ANKS1B: variants seen among roughly 807,000 people sequenced by gnomAD.
ANKS1B encodes the protein ankyrin repeat and sterile alpha motif domain-containing protein 1B.
In ANKS1B, 36 loss-of-function variants were observed where a neutral mutation model predicts 148.3. That is an observed-to-expected ratio of 0.24 (90% CI 0.19 to 0.32). The LOEUF is 0.32. Ranked by LOEUF, ANKS1B falls within the 10% of genes least tolerant of loss-of-function variation. The probability of loss-of-function intolerance (pLI) is 1.00; values close to 1 mark genes in which losing one functional copy is unlikely to be tolerated. For missense variants in ANKS1B, 1,157 were observed against 1,542.6 expected (o/e 0.75, Z 4.19); for synonymous variants, 542 against 560.8 (o/e 0.97, Z 0.47).
rs542451921 is a variant in ANKS1B, at chr12:99,686,669, A to C, written c.1129-31459T>G. On this transcript the variant is annotated intron_variant, in intron 8 of 26. Coordinates refer to ENST00000683438, the MANE Select transcript of ANKS1B (RefSeq NM_001352186.2). ...TATAGACATGTAAGGGTTCATTTAC[A>C]TTATTTAAAAATTACTCTAAAAAGC... Among the ~76,000 whole-genome samples, 4 of 152,324 alleles carry C rather than the reference A, an allele frequency of 2.6e-5. 1 individual carries two copies. The highest frequency in any genetic ancestry group is 9.6e-5 in the African/African-American group (4 of 41,588).
intron 8 of ANKS1B, among the ~76,000 whole-genome samples, chr12:99,679,010 CTT>C (rs1440983440): frequency 2.6e-5 from 4 of 152,068 alleles, no homozygotes; most frequent in Non-Finnish European, 5.9e-5. Flanking sequence ...AGAAAGAACT[CTT>C]GAATTTTAAA....
chr12:98,805,407 C>T (rs1365280182), intron 20 of ANKS1B, among the ~76,000 whole-genome samples: 1 of 151,672 alleles, frequency 6.6e-6, no homozygotes, highest in East Asian at 1.9e-4. Flanking sequence ...AAACTTCTAA[C>T]ATAAAGGAAA....
chr12:99,308,050 G>A (rs950472379), intron 12 of ANKS1B, among the ~76,000 whole-genome samples: 4 of 151,998 alleles, frequency 2.6e-5, no homozygotes, highest in African/African-American at 9.7e-5. Flanking sequence ...TTAAACAAAC[G>A]ATTATAGCAA....
intron 13 of ANKS1B, among the ~76,000 whole-genome samples, chr12:99,245,115 A>G (rs1026665084): frequency 6.6e-6 from 1 of 152,180 alleles, no homozygotes; most frequent in African/African-American, 2.4e-5. Flanking sequence ...TCGGCGTCCC[A>G]AAGTGCTAGG....
intron 12 of ANKS1B, among the ~76,000 whole-genome samples, chr12:99,302,600 G>A (rs2081801717): frequency 6.6e-6 from 1 of 152,110 alleles, no homozygotes. Context: ...TTAGGCACAT[G>A]AATTATTATA....
intron 8 of ANKS1B, among the ~76,000 whole-genome samples, chr12:99,750,811 C>T (rs1175564876): frequency 6.6e-6 from 1 of 152,020 alleles, no homozygotes; most frequent in Middle Eastern, 3.2e-3. Flanking sequence ...TCTGAACTCC[C>T]CCTTTGAGGA....
chr12:98,975,524 C>T (rs766061267), intron 17 of ANKS1B, among the ~76,000 whole-genome samples: 2 of 152,118 alleles, frequency 1.3e-5, no homozygotes, highest in Non-Finnish European at 2.9e-5. Context: ...AATAAAGTCT[C>T]TACCCTCAGG....
intron 1 of ANKS1B, among the ~76,000 whole-genome samples, chr12:99,916,313 C>T (rs961417551): frequency 2.6e-5 from 4 of 152,118 alleles, no homozygotes; most frequent in African/African-American, 9.7e-5. Flanking sequence ...GTGGAATACC[C>T]AAACCTTTCA....
chr12:99,649,199 T>A, intron 9 of ANKS1B: 1 of 995,788 alleles, frequency 1.0e-6, no homozygotes, highest in African/African-American at 1.6e-5. Flanking sequence ...TGTGTACTTG[T>A]GCAATAATTT....
chr12:99,074,711 C>T (rs2047299523), intron 16 of ANKS1B, among the ~76,000 whole-genome samples: 1 of 152,178 alleles, frequency 6.6e-6, no homozygotes, highest in African/African-American at 2.4e-5. Context: ...TGCCTTATCC[C>T]TTTGTAAAAC....
chr12:98,947,109 G>A (rs1156892219), intron 17 of ANKS1B, among the ~76,000 whole-genome samples: 3 of 152,292 alleles, frequency 2.0e-5, no homozygotes, highest in South Asian at 2.1e-4. Context: ...AGTGGTGGGA[G>A]TGAAGTGAGG....
Position 99,911,597 on chromosome 12 carries a change from C to T in ANKS1B, c.134+72507G>A, listed in dbSNP as rs77247616. Among the ~76,000 whole-genome samples the T allele has an allele frequency of 7.5e-4, 114 of 152,228 alleles. 3 individuals are homozygous for T. In the East Asian group the frequency reaches 0.016, roughly 22 times the overall value. On this transcript the variant is annotated intron_variant, in intron 1 of 26. Coordinates refer to ENST00000683438, the MANE Select transcript of ANKS1B (RefSeq NM_001352186.2). ...ATAATTAACATTTACTTATAAAGTT[C>T]GATATCACCCATTAGCAATATAACA...
intron 12 of ANKS1B, among the ~76,000 whole-genome samples, chr12:99,345,909 GC>G (rs1196296001): frequency 2.0e-5 from 3 of 151,926 alleles, no homozygotes; most frequent in African/African-American, 7.2e-5. Flanking sequence ...ATTAGTTCAT[GC>G]TTGCTTTTAA....
intron 9 of ANKS1B, among the ~76,000 whole-genome samples, chr12:99,521,688 C>A (rs2096876319): frequency 6.6e-6 from 1 of 152,158 alleles, no homozygotes; most frequent in Non-Finnish European, 1.5e-5. Flanking sequence ...TCTTTCCTTA[C>A]TTTCTCCTAA....
At chr12:99,438,971 T>TA (rs1405526533) in intron 11 of ANKS1B, among the ~76,000 whole-genome samples, 1 of 151,876 alleles carries the variant, frequency 6.6e-6, no homozygotes, top group African/African-American at 2.4e-5. Context: ...AGTTATTTTT[T>TA]AAAAAAGCAA....
chr12:98,773,277 T>C, intron 24 of ANKS1B, 98 bp from the exon 25 acceptor site: 1 of 1,403,216 alleles, frequency 7.1e-7, no homozygotes, highest in African/African-American at 1.4e-5. Flanking sequence ...TTTCCTTCTT[T>C]CTGGAGTGTT....
chr12:99,782,809 G>C (rs556084237), intron 4 of ANKS1B, among the ~76,000 whole-genome samples: 3 of 152,268 alleles, frequency 2.0e-5, no homozygotes, highest in Admixed American at 1.3e-4. Context: ...TATTTGAAGA[G>C]ACAGATGTAT....
chr12:99,141,321 C>T (rs2070681692), intron 15 of ANKS1B, among the ~76,000 whole-genome samples: 1 of 152,012 alleles, frequency 6.6e-6, no homozygotes, highest in African/African-American at 2.4e-5. Context: ...CCGTGGCTCT[C>T]ATTTCACAGA....
intron 25 of ANKS1B, among the ~76,000 whole-genome samples, chr12:98,755,946 G>C (rs867944262): frequency 6.6e-6 from 1 of 152,256 alleles, no homozygotes; most frequent in Middle Eastern, 3.4e-3. Context: ...TGACCCATAG[G>C]ATATAGCAGA....
Sources: allele counts gnomAD v4.1 joint callset (sites outside exome capture counted in the v4.1 genomes callset), GRCh38; gene constraint gnomAD v4.1.1; transcripts MANE v1.5; gene names NCBI Gene and HGNC (gene_info 2026-07-23, HGNC 2026-07-21).